Variants in PARD3B observed in about 807,000 individuals in gnomAD.
PARD3B encodes partitioning defective 3 homolog B.
A neutral mutation model predicts 130.2 loss-of-function variants in PARD3B; 103 were observed. The observed-to-expected ratio is 0.79, with a 90% CI of 0.67 to 0.93. PARD3B has a LOEUF of 0.93. PARD3B is among the 40% of genes least tolerant of loss of function. PARD3B has a pLI of 0.00. For synonymous variants in PARD3B, 583 were observed against 553.2 expected, an observed-to-expected ratio of 1.05 and a Z score of -0.76; for missense variants, 1,609 against 1,499.2, an observed-to-expected ratio of 1.07 and a Z score of -1.21.
intron 15 of PARD3B, among the ~76,000 whole-genome samples, chr2:205,220,177 T>C (rs2125869283): frequency 6.6e-6 from 1 of 152,294 alleles, no homozygotes; most frequent in Admixed American, 6.5e-5. Flanking sequence ...AATCTGATCA[T>C]GTCACTTCCT....
At chr2:204,547,162 ACTT>A (rs534191376) in intron 1 of PARD3B, among the ~76,000 whole-genome samples, 4 of 152,132 alleles carry the variant, frequency 2.6e-5, no homozygotes, top group Non-Finnish European at 5.9e-5. Flanking sequence ...ATTTCTTTTA[ACTT>A]CTTATCGGTT....
At chr2:204,752,412 T>C (rs917225464) in intron 2 of PARD3B, among the ~76,000 whole-genome samples, 1 of 152,186 alleles carries the variant, frequency 6.6e-6, no homozygotes, top group African/African-American at 2.4e-5. Context: ...TAGCCATTGA[T>C]TCAGCATCAT....
chr2:205,436,906 GT>G lies in PARD3B; in HGVS notation c.2742-3452del, dbSNP rs564715785. Among the ~76,000 whole-genome samples the G allele has an allele frequency of 5.6e-3, 824 of 146,018 alleles. 4 individuals are homozygous for G. Among genetic ancestry groups the G allele is most frequent in the Admixed American group, 0.01 (146 of 14,592 alleles). The stretch of plus-strand genomic sequence containing the variant: ...TTTCTCACTACTTCACCTCCATGAA[GT>G]TTTTTTTTTTTAAGGTGGGAGACCT... On this transcript the variant is annotated intron_variant, in intron 19 of 22. Coordinates refer to ENST00000406610, the MANE Select transcript of PARD3B (RefSeq NM_001302769.2).
At chr2:205,052,771 C>T (rs1383672403) in intron 4 of PARD3B, among the ~76,000 whole-genome samples, 4 of 152,008 alleles carry the variant, frequency 2.6e-5, no homozygotes, top group African/African-American at 9.7e-5. Context: ...CATATTATCA[C>T]CTGTTTACAT....
chr2:205,261,420 A>G (rs946597183), intron 16 of PARD3B, among the ~76,000 whole-genome samples: 14 of 152,190 alleles, frequency 9.2e-5, no homozygotes, highest in African/African-American at 3.1e-4. Context: ...ATTATTCTTT[A>G]TAAAGGACTG....
At chr2:205,447,553 A>C (rs2047948283) in intron 20 of PARD3B, among the ~76,000 whole-genome samples, 1 of 151,988 alleles carries the variant, frequency 6.6e-6, no homozygotes, top group Non-Finnish European at 1.5e-5. Context: ...AATTTTTTGT[A>C]TTTTTAGTAG....
At chr2:205,132,535 CAA>C (rs2032097690) in intron 10 of PARD3B, among the ~76,000 whole-genome samples, 1 of 152,120 alleles carries the variant, frequency 6.6e-6, no homozygotes. Context: ...TTTGCTTGGG[CAA>C]AGCTTCCTTG....
intron 2 of PARD3B, among the ~76,000 whole-genome samples, chr2:204,806,498 TAA>T (rs1336117456): frequency 6.6e-6 from 1 of 152,182 alleles, no homozygotes; most frequent in African/African-American, 2.4e-5. Flanking sequence ...CAAAATGGAT[TAA>T]AGACTTAAAT....
chr2:205,237,256 C>T lies in PARD3B; in HGVS notation c.2141-8522C>T, dbSNP rs139945227. 4.4e-3 allele frequency among the ~76,000 whole-genome samples: 665 copies of T among 152,160 alleles called. 5 individuals are homozygous for T. The highest frequency in any genetic ancestry group is 0.015 in the African/African-American group (626 of 41,514). ...CTGGGATTACAGGCCTGTACCACCACGCCAGGCTAATTTTTTTATATTTTC... is the reference window on the plus strand; with the variant it reads ...CTGGGATTACAGGCCTGTACCACCATGCCAGGCTAATTTTTTTATATTTTC... On this transcript the variant is annotated intron_variant, in intron 15 of 22. Coordinates refer to ENST00000406610, the MANE Select transcript of PARD3B (RefSeq NM_001302769.2).
intron 1 of PARD3B, among the ~76,000 whole-genome samples, chr2:204,553,649 T>TGG (rs1339758565): frequency 4.3e-5 from 3 of 69,168 alleles, no homozygotes; most frequent in African/African-American, 1.2e-4. Flanking sequence ...TTTATATATA[T>TGG]CCATATATAT....
chr2:205,064,095 A>G (rs900849101), intron 4 of PARD3B, among the ~76,000 whole-genome samples: 2 of 152,212 alleles, frequency 1.3e-5, no homozygotes, highest in African/African-American at 4.8e-5. Context: ...ATTGAGGAGA[A>G]CATGCACAGG....
At chr2:204,717,975 A>T (rs1446652276) in intron 2 of PARD3B, among the ~76,000 whole-genome samples, 1 of 152,048 alleles carries the variant, frequency 6.6e-6, no homozygotes, top group Admixed American at 6.6e-5. Context: ...CATATATTAC[A>T]TGTCTTTTAA....
At chr2:204,872,891 A>T (rs1575180688) in intron 2 of PARD3B, among the ~76,000 whole-genome samples, 1 of 152,138 alleles carries the variant, frequency 6.6e-6, no homozygotes, top group Non-Finnish European at 1.5e-5. Flanking sequence ...GTCCCTCTAT[A>T]TTCTGTCCTT....
At chr2:204,670,879 T>C (rs1002521694) in intron 1 of PARD3B, among the ~76,000 whole-genome samples, 8 of 152,336 alleles carry the variant, frequency 5.3e-5, no homozygotes, top group African/African-American at 1.4e-4. Context: ...TTAATAGTTA[T>C]GTAAAATGTC....
chr2:205,072,215 C>T (rs1003601997), intron 4 of PARD3B, among the ~76,000 whole-genome samples: 11 of 150,028 alleles, frequency 7.3e-5, no homozygotes, highest in Non-Finnish European at 1.3e-4. Context: ...TGTATTTGGA[C>T]TTCATAATTA....
intron 21 of PARD3B, among the ~76,000 whole-genome samples, chr2:205,513,191 TTAAAG>T (rs1174883319): frequency 6.6e-6 from 1 of 152,062 alleles, no homozygotes; most frequent in African/African-American, 2.4e-5. Context: ...GAAGCAATCT[TTAAAG>T]TAGTACTTGA....
At chr2:204,976,424 T>G (rs1390662723) in intron 3 of PARD3B, among the ~76,000 whole-genome samples, 4 of 152,172 alleles carry the variant, frequency 2.6e-5, no homozygotes, top group East Asian at 3.9e-4. Context: ...GTGACCTAAT[T>G]GGATAGTCGC....
chr2:204,933,214 T>A (rs987224949), intron 2 of PARD3B, among the ~76,000 whole-genome samples: 1 of 152,180 alleles, frequency 6.6e-6, no homozygotes, highest in African/African-American at 2.4e-5. Context: ...AAAATTACTT[T>A]ACAAGCTTTA....
At chr2:205,533,587 C>T (rs1226522034) in intron 21 of PARD3B, among the ~76,000 whole-genome samples, 1 of 152,060 alleles carries the variant, frequency 6.6e-6, no homozygotes. Context: ...CGAGTTTAAA[C>T]ATCAGTAACA....
Sources: gnomAD v4.1 joint callset for allele counts (sites outside exome capture counted in the v4.1 genomes callset) on GRCh38, gnomAD v4.1.1 for gene constraint, MANE v1.5 for transcripts, NCBI Gene and HGNC (gene_info 2026-07-23, HGNC 2026-07-21) for gene names.